Variants in SYT14 observed in about 807,000 individuals in gnomAD.
The protein encoded by SYT14 is synaptotagmin 14, also known as synaptotagmin-14.
In SYT14, 32 loss-of-function variants were observed where a neutral mutation model predicts 74.2. The observed-to-expected ratio is 0.43, with a 90% CI of 0.33 to 0.58. SYT14 has a LOEUF of 0.58. SYT14 is among the 20% of genes least tolerant of loss of function. SYT14 has a pLI of 0.05. For synonymous variants in SYT14, 298 were observed against 337.7 expected, an observed-to-expected ratio of 0.88 and a Z score of 1.29; for missense variants, 791 against 981.8, an observed-to-expected ratio of 0.81 and a Z score of 2.60.
At chr1:209,952,810 G>A (rs1171502742) in intron 2 of SYT14, 54 bp downstream of exon 2, 2 of 1,483,482 alleles carry the variant, frequency 1.3e-6, no homozygotes, top group African/African-American at 2.8e-5. Context: ...CTTCCAAAGT[G>A]TATAATAGAT....
chr1:209,940,350 C>T (rs1008159548), intron 1 of SYT14, among the ~76,000 whole-genome samples: 5 of 150,906 alleles, frequency 3.3e-5, no homozygotes, highest in African/African-American at 1.2e-4. Context: ...CTTCATTCAC[C>T]TATTAATTCA....
At chr1:210,156,676 G>T (rs1196214761) in intron 8 of SYT14, among the ~76,000 whole-genome samples, 1 of 142,484 alleles carries the variant, frequency 7.0e-6, no homozygotes, top group Admixed American at 7.3e-5. Flanking sequence ...TGGGAAAGTG[G>T]CAGCTTCTTT....
chr1:209,944,212 T>A (rs548583042), intron 1 of SYT14, among the ~76,000 whole-genome samples: 1 of 152,352 alleles, frequency 6.6e-6, no homozygotes, highest in East Asian at 1.9e-4. Flanking sequence ...TTTGTTTTAT[T>A]GTCAGTTGAC....
exon 10 of SYT14, chr1:210,164,095 G>A (rs947029283): frequency 8.8e-6 from 4 of 452,064 alleles, no homozygotes; most frequent in South Asian, 4.7e-5. Flanking sequence ...TAAACAAAAT[G>A]TATGTCAAAT....
chr1:210,094,454 C>T (rs1212421741), exon 6 of SYT14: 4 of 1,613,950 alleles, frequency 2.5e-6, no homozygotes, highest in Non-Finnish European at 2.5e-6. Flanking sequence ...TGTGAATTTT[C>T]CCACTGCAGC....
chr1:210,100,354 A>C, exon 7 of SYT14: 1 of 1,614,042 alleles, frequency 6.2e-7, no homozygotes, highest in Non-Finnish European at 8.5e-7. Flanking sequence ...TGTACATCGC[A>C]TGAAAAAAGA....
chr1:209,980,995 T>C (rs1451568180), intron 2 of SYT14, among the ~76,000 whole-genome samples: 1 of 152,246 alleles, frequency 6.6e-6, no homozygotes, highest in African/African-American at 2.4e-5. Flanking sequence ...ATGTCAGTGT[T>C]AGTTTAATGG....
intron 2 of SYT14, among the ~76,000 whole-genome samples, chr1:209,955,040 T>C (rs1370807324): frequency 6.6e-6 from 1 of 152,128 alleles, no homozygotes; most frequent in East Asian, 1.9e-4. Flanking sequence ...CTTTGACTGT[T>C]TCTGTCTCTT....
intron 9 of SYT14, among the ~76,000 whole-genome samples, chr1:210,160,452 A>G (rs945064634): frequency 3.9e-5 from 6 of 152,060 alleles, no homozygotes; most frequent in Admixed American, 3.3e-4. Flanking sequence ...GGGTGAAGGA[A>G]GGATTATGAG....
chr1:210,084,229 C>T (rs2102490369), intron 5 of SYT14, among the ~76,000 whole-genome samples: 1 of 152,262 alleles, frequency 6.6e-6, no homozygotes. Context: ...TTTAGTTTAC[C>T]TTATAAATGG....
intron 7 of SYT14, among the ~76,000 whole-genome samples, chr1:210,106,463 G>A (rs893909193): frequency 6.6e-6 from 1 of 152,168 alleles, no homozygotes; most frequent in Non-Finnish European, 1.5e-5. Context: ...ATAAAGGAAA[G>A]AGGTTTAATT....
chr1:210,117,983 T>C (rs944078061), intron 7 of SYT14, among the ~76,000 whole-genome samples: 32 of 152,208 alleles, frequency 2.1e-4, no homozygotes, highest in Non-Finnish European at 2.1e-4. Flanking sequence ...CAAGTGTGTA[T>C]TATGTTTTTC....
At position 209,959,033 on chromosome 1, in the gene SYT14, T is replaced by C. The variant is rs189726943; in HGVS notation, c.-486+6277T>C. ...CCTAAAAAAAAATAGAGTTACCATA[T>C]AACCCAGCAATTAATACTGCTAGGC... On this transcript the variant is annotated intron_variant, in intron 2 of 9. Transcript: ENST00000637265. Among the ~76,000 whole-genome samples the C allele has an allele frequency of 2.1e-3, 327 of 152,316 alleles. 8 individuals are homozygous for C. The highest frequency in any genetic ancestry group is 0.015 in the East Asian group (79 of 5,184).
intron 7 of SYT14, among the ~76,000 whole-genome samples, chr1:210,154,557 A>G (rs1436792941): frequency 2.0e-5 from 3 of 152,206 alleles, no homozygotes; most frequent in Non-Finnish European, 1.5e-5. Flanking sequence ...TAGAATATGT[A>G]GTGATGTCTC....
At chr1:210,016,963 T>C (rs1016750397) in exon 4 of SYT14, 5 of 1,231,688 alleles carry the variant, frequency 4.1e-6, no homozygotes, top group Non-Finnish European at 5.1e-6. Context: ...CTGGGAAAAT[T>C]GAAGAACAAA....
chr1:210,100,038 G>T, exon 7 of SYT14: 1 of 1,613,834 alleles, frequency 6.2e-7, no homozygotes, highest in Non-Finnish European at 8.5e-7. Context: ...GATCATCTTC[G>T]CAGCTTCCTA....
At chr1:210,033,133 G>C (rs2080579941) in intron 5 of SYT14, among the ~76,000 whole-genome samples, 1 of 151,850 alleles carries the variant, frequency 6.6e-6, no homozygotes, top group Non-Finnish European at 1.5e-5. Flanking sequence ...GTCCTCTCTT[G>C]AGGCAGATAT....
chr1:210,165,079 C>G (rs1219789073), exon 10 of SYT14: 1 of 152,126 alleles, frequency 6.6e-6, no homozygotes, highest in East Asian at 1.9e-4. Flanking sequence ...ATGTTATCAA[C>G]ATTTTATTGA....
intron 2 of SYT14, among the ~76,000 whole-genome samples, chr1:209,996,438 A>T (rs1005995094): frequency 1.3e-5 from 2 of 152,118 alleles, no homozygotes; most frequent in African/African-American, 4.8e-5. Context: ...CAATATAAAG[A>T]TCTGAATTTG....
Sources: gnomAD v4.1 joint callset for allele counts (sites outside exome capture counted in the v4.1 genomes callset) on GRCh38, gnomAD v4.1.1 for gene constraint, MANE v1.5 for transcripts, NCBI Gene and HGNC (gene_info 2026-07-23, HGNC 2026-07-21) for gene names.